The following HEATR6 variants were observed in gnomAD, a reference collection of about 807,000 sequenced individuals.
HEATR6 encodes the protein HEAT repeat-containing protein 6.
Under a neutral mutation model 132.8 loss-of-function variants are expected in HEATR6, and 106 were observed. The ratio of observed to expected loss-of-function variants is 0.80; its 90% CI spans 0.68 to 0.94. The LOEUF is 0.94. Ranked by LOEUF, HEATR6 falls within the 40% of genes least tolerant of loss-of-function variation. HEATR6 has a pLI of 0.00. For synonymous variants in HEATR6, 529 were observed against 537.8 expected, an observed-to-expected ratio of 0.98 and a Z score of 0.23; for missense variants, 1,339 against 1,425.1, an observed-to-expected ratio of 0.94 and a Z score of 0.97.
At chr17:60,069,054 T>A (rs2083256629) in intron 7 of HEATR6, among the ~76,000 whole-genome samples, 1 of 152,208 alleles carries the variant, frequency 6.6e-6, no homozygotes, top group South Asian at 2.1e-4. Context: ...TTTGATCAGG[T>A]ATGACATTTC....
At chr17:60,063,442 A>C (rs2083222733) in intron 9 of HEATR6, 1 of 152,136 alleles carries the variant, frequency 6.6e-6, no homozygotes, top group South Asian at 2.1e-4. Flanking sequence ...TGTTATTTTT[A>C]TTGATAATTT....
At chr17:60,044,589 G>A (rs1246863913) in intron 19 of HEATR6, among the ~76,000 whole-genome samples, 1 of 152,224 alleles carries the variant, frequency 6.6e-6, no homozygotes, top group Admixed American at 6.5e-5. Flanking sequence ...GCCATAGCCA[G>A]TCATGCATTT....
rs183870462 is a variant in HEATR6 at position 60,041,502 on chromosome 17, G to A, written c.*2061C>T. Among the ~76,000 whole-genome samples the A allele has an allele frequency of 2.0e-3, 300 of 152,108 alleles. No individual in the cohort carries two copies. The highest frequency in any genetic ancestry group is 7.0e-3 in the African/African-American group (291 of 41,488). ...ACTACTAAGAATGTATTCAAGAGAC[G>A]GAAGTTCCAAGATTCATCACAGGGT... On this transcript the variant is annotated 3_prime_UTR_variant, in exon 20 of 20. Coordinates refer to ENST00000184956, the MANE Select transcript of HEATR6 (RefSeq NM_022070.5).
At chr17:60,066,931 A>T (rs1366589168) in intron 8 of HEATR6, among the ~76,000 whole-genome samples, 2 of 152,240 alleles carry the variant, frequency 1.3e-5, no homozygotes, top group Non-Finnish European at 2.9e-5. Flanking sequence ...GAAAAGGCAA[A>T]AAAGAATATT....
chr17:60,049,710 G>A lies in HEATR6; in HGVS notation c.2425-8C>T, dbSNP rs1165510066. The A allele has an allele frequency of 1.2e-6, 2 of 1,611,880 alleles. No individual in the cohort carries two copies. The highest frequency in any genetic ancestry group is 2.2e-5 in the East Asian group (1 of 44,828). Reference sequence around the variant, plus strand: ...CAGCATCTGCCTGTCATTCTGCAATGAGAAGGTTGACAAGGGAAAAATGAG... The same window carrying A: ...CAGCATCTGCCTGTCATTCTGCAATAAGAAGGTTGACAAGGGAAAAATGAG... On this transcript the variant is annotated splice_polypyrimidine_tract_variant and splice_region_variant and intron_variant, in intron 15 of 19. Transcript: ENST00000184956.
chr17:60,070,398 T>C (rs1245327197), intron 6 of HEATR6, among the ~76,000 whole-genome samples: 1 of 152,176 alleles, frequency 6.6e-6, no homozygotes, highest in Non-Finnish European at 1.5e-5. Flanking sequence ...GGAGAAGCAC[T>C]GGCTCTTCTT....
rs772122728 is a variant in HEATR6 at position 60,043,620 on chromosome 17, G to A, written c.3489C>T (p.Ala1163=). Residue 1163 remains alanine, a synonymous_variant, in exon 20 of 20, where the codon GCC becomes GCT. Coordinates refer to ENST00000184956, the MANE Select transcript of HEATR6 (RefSeq NM_022070.5). ...GTGATCCAGATGAGTCAAAACAAAC[G>A]GCCAGGATCTCTTCTAAAAAGCCCA... is the stretch of plus-strand genomic sequence containing the variant. ...AIMGFLEEIL[A]VCFDSSGSQG... The A allele has an allele frequency of 2.9e-5, 46 of 1,613,928 alleles. No homozygotes were observed. The East Asian group carries it at 7.1e-4, about 25-fold the overall frequency.
In HEATR6 at chr17:60,046,050, T is replaced by C; in HGVS notation, c.2949A>G (p.Val983=). 6.2e-7 allele frequency: 1 copy of C among 1,613,964 alleles called. No homozygotes were observed. Among genetic ancestry groups the C allele is most frequent in the Non-Finnish European group, 8.5e-7 (1 of 1,179,928 alleles). The change falls in exon 19 of 20, where the codon GTA becomes GTG. Residue 983 remains valine (V), a synonymous_variant. Transcript: ENST00000184956. ...CTAAAGGAAGGGCAGGATTTTTAAA[T>C]ACATTTCCCATTGCATAACAAGCAT... ...RWNACYAMGN[V]FKNPALPLGT...
At chr17:60,070,323 G>A (rs2083264138) in intron 6 of HEATR6, among the ~76,000 whole-genome samples, 2 of 152,030 alleles carry the variant, frequency 1.3e-5, no homozygotes, top group Admixed American at 6.6e-5. Flanking sequence ...TGACTGGCAC[G>A]CTCGGAAGCT....
intron 19 of HEATR6, 113 bp downstream of exon 19, chr17:60,045,912 A>G (rs1395410676): frequency 1.3e-6 from 1 of 794,912 alleles, no homozygotes; most frequent in Non-Finnish European, 2.1e-6. Flanking sequence ...GTATGTCTCC[A>G]TTTTTTCCTA....
rs1906239050 is a variant in HEATR6 at position 60,043,139 on chromosome 17, T to C, written c.*424A>G. Reference sequence around the variant, plus strand: ...GGACAAACTGGCTGAACTGCAGCTCTGCTTGCAGCTTGCTAGAAATACAAC... The same window carrying C: ...GGACAAACTGGCTGAACTGCAGCTCCGCTTGCAGCTTGCTAGAAATACAAC... On this transcript the variant is annotated 3_prime_UTR_variant, in exon 20 of 20. Coordinates refer to ENST00000184956, the MANE Select transcript of HEATR6 (RefSeq NM_022070.5). 8.1e-6 allele frequency: 2 copies of C among 247,370 alleles called. No individual in the cohort carries two copies. Among genetic ancestry groups the C allele is most frequent in the African/African-American group, 4.7e-5 (2 of 42,754 alleles). 15.3% of individuals were successfully genotyped at this position (247,370 alleles called of 1,614,324 possible). A position where few individuals can be genotyped will look rare whatever the true frequency, so the allele number is the denominator to read the frequency against.
In HEATR6 at chr17:60,043,990, G is replaced by A. The variant is rs1340049110; in HGVS notation, c.3119C>T (p.Ala1040Val). The A allele has an allele frequency of 7.4e-6, 12 of 1,614,084 alleles. No individual in the cohort carries two copies. The highest frequency in any genetic ancestry group is 9.3e-6 in the Non-Finnish European group (11 of 1,180,026). The change falls in exon 20 of 20, where the codon GCT becomes GTT. Residue 1040 changes from alanine (A) to valine (V), a missense_variant. Ala to Val is a moderately conservative substitution (Grantham distance 64, BLOSUM62 0). Transcript: ENST00000184956. ...REQYGSVDQY[A>V]RIWNALVTAL... ...GGTGACCAATGCATTCCAGATCCGA[G>A]CATACTGGTCAACAGACCCGTACTG... is the stretch of plus-strand genomic sequence containing the variant.
At chr17:60,060,497 C>A (rs1248068473) in intron 9 of HEATR6, among the ~76,000 whole-genome samples, 1 of 152,074 alleles carries the variant, frequency 6.6e-6, no homozygotes, top group Non-Finnish European at 1.5e-5. Flanking sequence ...AGAAATAAAT[C>A]TAAGCTACAC....
chr17:60,054,237 T>C (rs1906670385), intron 14 of HEATR6, among the ~76,000 whole-genome samples: 1 of 152,220 alleles, frequency 6.6e-6, no homozygotes, highest in Non-Finnish European at 1.5e-5. Context: ...GCAGTTTCCA[T>C]GTGGTGTTAA....
intron 5 of HEATR6, among the ~76,000 whole-genome samples, chr17:60,071,435 T>C (rs2083269540): frequency 6.6e-6 from 1 of 152,198 alleles, no homozygotes; most frequent in Non-Finnish European, 1.5e-5. Flanking sequence ...AATGTAAAAC[T>C]CAACAACAAT....
In HEATR6 at chr17:60,078,750, G is replaced by A; in HGVS notation, c.165C>T (p.Leu55=). ...AGTTCTCGGAGATGAGCTGATCGAA[G>A]AGCAGGTGGATCTCGGTGCGGGCGG... ...SSSARTEIHL[L]FDQLISENYS... Residue 55 remains leucine (L), a synonymous_variant, in exon 1 of 20, where the codon CTC becomes CTT. Transcript: ENST00000184956. The A allele has an allele frequency of 6.4e-7, 1 of 1,565,456 alleles. No homozygotes were observed. Among genetic ancestry groups the A allele is most frequent in the Non-Finnish European group, 8.6e-7 (1 of 1,156,146 alleles).
chr17:60,051,008 CCAAGA>C, intron 14 of HEATR6, 31 bp from the exon 15 acceptor site: 1 of 1,612,284 alleles, frequency 6.2e-7, no homozygotes, highest in Non-Finnish European at 8.5e-7. Context: ...AAGCTGCAGC[CCAAGA>C]CATAACAGGG....
chr17:60,043,923 G>T lies in HEATR6; in HGVS notation c.3186C>A (p.Phe1062Leu). ...KSEDTIDFLE[F>L]KYCVSLRTQI... is the part of the protein sequence containing the mutation. ...GGGTCCGTAGGCTGACACAGTACTT[G>T]AATTCCAAAAAGTCTATGGTGTCTT... Residue 1062 changes from phenylalanine (F) to leucine (L), a missense_variant, in exon 20 of 20, where the codon TTC becomes TTA. Physicochemically the swap from Phe to Leu is conservative, Grantham distance 22 (BLOSUM62 0). Transcript: ENST00000184956. 4 of 1,614,018 alleles carry T rather than the reference G, an allele frequency of 2.5e-6. No individual in the cohort carries two copies. The highest frequency in any genetic ancestry group is 3.4e-6 in the Non-Finnish European group (4 of 1,179,964).
intron 14 of HEATR6, 82 bp downstream of exon 14, chr17:60,055,433 T>C: frequency 1.2e-6 from 1 of 845,988 alleles, no homozygotes; most frequent in Non-Finnish European, 1.9e-6. Flanking sequence ...CCATATCATC[T>C]ACTCCATTTA....
Sources: allele counts gnomAD v4.1 joint callset (sites outside exome capture counted in the v4.1 genomes callset), GRCh38; gene constraint gnomAD v4.1.1; transcripts MANE v1.5; gene names NCBI Gene and HGNC (gene_info 2026-07-23, HGNC 2026-07-21).